POFUT4: variants seen among roughly 807,000 people sequenced by gnomAD.
The protein encoded by POFUT4 is GDP-fucose protein O-fucosyltransferase 4.
the POFUT4 span, chr10:73,772,714 C>T: frequency 2.5e-6 from 4 of 1,585,670 alleles, no homozygotes; most frequent in South Asian, 1.1e-5. Context: ...GCACAGACTT[C>T]CGCGCGTCGG....
the POFUT4 span, chr10:73,779,682 A>G: frequency 6.6e-6 from 1 of 152,112 alleles, no homozygotes; most frequent in Non-Finnish European, 1.5e-5. Flanking sequence ...TTTAGAGTGC[A>G]TAATTATTAC....
At chr10:73,772,771 C>G in the POFUT4 span, 3 of 1,608,884 alleles carry the variant, frequency 1.9e-6, no homozygotes, top group Non-Finnish European at 2.5e-6. Flanking sequence ...CGCTCCTCCA[C>G]GAGGAGTCGC....
At chr10:73,772,595 C>G in the POFUT4 span, 3 of 1,576,694 alleles carry the variant, frequency 1.9e-6, no homozygotes, top group Non-Finnish European at 1.7e-6. Context: ...GCTATTCCCC[C>G]ACTTCCCGGG....
the POFUT4 span, chr10:73,775,626 G>A: frequency 6.2e-7 from 1 of 1,614,198 alleles, no homozygotes; most frequent in African/African-American, 1.3e-5. Flanking sequence ...CAATGAAACA[G>A]AGCAGACGAA....
the POFUT4 span, among the ~76,000 whole-genome samples, chr10:73,778,392 A>C: frequency 2.7e-4 from 33 of 120,892 alleles, no homozygotes; most frequent in Admixed American, 5.5e-4. Flanking sequence ...ACTCCATCCC[A>C]AAAAAAAAAA....
chr10:73,772,644 T>A, the POFUT4 span: 1 of 1,555,918 alleles, frequency 6.4e-7, no homozygotes, highest in South Asian at 1.2e-5. Flanking sequence ...GGCGCGTGCG[T>A]GGCGTCCCGG....
At chr10:73,772,611 C>G in the POFUT4 span, 1 of 1,563,778 alleles carries the variant, frequency 6.4e-7, no homozygotes, top group Middle Eastern at 1.7e-4. Flanking sequence ...CCGGGAGACT[C>G]GGAGCGCATC....
At chr10:73,777,711 C>T in the POFUT4 span, among the ~76,000 whole-genome samples, 634 of 152,176 alleles carry the variant, frequency 4.2e-3, 15 homozygotes, top group East Asian at 0.048. Context: ...CCCGTCACCA[C>T]ATCTAGCTAA....
the POFUT4 span, among the ~76,000 whole-genome samples, chr10:73,777,593 T>TGCCCAGGCTGGAGTGCAGTG: frequency 6.6e-6 from 1 of 151,796 alleles, no homozygotes; most frequent in African/African-American, 2.4e-5. Flanking sequence ...TCGCTCTTGT[T>TGCCCAGGCTGGAGTGCAGTG]GCCCAGGCTG....
At chr10:73,773,711 G>A in the POFUT4 span, 5 of 1,614,106 alleles carry the variant, frequency 3.1e-6, no homozygotes. Context: ...CCTCTCCCGG[G>A]GACAGCCCCG....
chr10:73,777,453 C>G, the POFUT4 span, among the ~76,000 whole-genome samples: 1 of 152,162 alleles, frequency 6.6e-6, no homozygotes, highest in African/African-American at 2.4e-5. Flanking sequence ...AACAGTGTGG[C>G]TGTATGTTTT....
At chr10:73,775,521 C>T in the POFUT4 span, 99 of 1,614,112 alleles carry the variant, frequency 6.1e-5, no homozygotes, top group Middle Eastern at 1.2e-3. Flanking sequence ...CATAATCCAA[C>T]CCCCATTTTG....
chr10:73,775,856 T>G, the POFUT4 span: 1 of 660,618 alleles, frequency 1.5e-6, no homozygotes, highest in Non-Finnish European at 2.6e-6. Flanking sequence ...AGCCAAGGTC[T>G]AACATAGGGC....
the POFUT4 span, chr10:73,772,886 C>T: frequency 3.1e-6 from 5 of 1,611,132 alleles, no homozygotes; most frequent in Non-Finnish European, 4.2e-6. Context: ...GCAGTGGCTG[C>T]CCGGGACCGC....
At chr10:73,773,852 TTTAC>T in the POFUT4 span, 10 of 1,515,852 alleles carry the variant, frequency 6.6e-6, no homozygotes, top group East Asian at 4.5e-5. Context: ...TATCAAATCA[TTTAC>T]TTACTTGCTT....
At chr10:73,777,385 G>A in the POFUT4 span, among the ~76,000 whole-genome samples, 1 of 151,264 alleles carries the variant, frequency 6.6e-6, no homozygotes, top group African/African-American at 2.4e-5. Context: ...CTAATGAAGT[G>A]TTCCCTCTAT....
At chr10:73,778,265 C>T in the POFUT4 span, among the ~76,000 whole-genome samples, 1 of 151,166 alleles carries the variant, frequency 6.6e-6, no homozygotes. Context: ...CGGTGGCTCA[C>T]ACCTGTAATC....
chr10:73,772,742 C>G, the POFUT4 span: 20 of 1,600,118 alleles, frequency 1.2e-5, no homozygotes, highest in Non-Finnish European at 1.6e-5. Context: ...GCTGCCGCGC[C>G]TGGCGCACCA....
chr10:73,772,627 T>TGC, the POFUT4 span: 1 of 1,559,030 alleles, frequency 6.4e-7, no homozygotes, highest in South Asian at 1.2e-5. Flanking sequence ...GCATCGAGTG[T>TGC]GCGCGCGGCG....
Sources: gnomAD v4.1 joint callset for allele counts (sites outside exome capture counted in the v4.1 genomes callset) on GRCh38, gnomAD v4.1.1 for gene constraint, MANE v1.5 for transcripts, NCBI Gene and HGNC (gene_info 2026-07-23, HGNC 2026-07-21) for gene names.